NALF1: variants seen among roughly 807,000 people sequenced by gnomAD.
NALF1 encodes NALCN channel auxiliary factor 1, also known as family with sequence similarity 155 member A.
A neutral mutation model predicts 48.4 loss-of-function variants in NALF1; 3 were observed. The observed-to-expected ratio is 0.06, with a 90% CI of 0.03 to 0.16. The LOEUF (loss-of-function observed/expected upper bound fraction) is 0.16, where lower values mean the gene tolerates loss of function less well. Ranked by LOEUF, NALF1 falls within the 10% of genes least tolerant of loss-of-function variation. The pLI is 1.00. For synonymous variants in NALF1, 262 were observed against 245.7 expected (o/e 1.07, Z -0.62); for missense variants, 526 against 571.5 (o/e 0.92, Z 0.81).
At chr13:107,579,055 T>C (rs1878229063) in intron 1 of NALF1, among the ~76,000 whole-genome samples, 1 of 152,188 alleles carries the variant, frequency 6.6e-6, no homozygotes, top group African/African-American at 2.4e-5. Context: ...GTTTTCTCCA[T>C]GCTTTCATGC....
chr13:107,421,050 C>T (rs771331068), intron 1 of NALF1, among the ~76,000 whole-genome samples: 3 of 152,122 alleles, frequency 2.0e-5, no homozygotes, highest in Non-Finnish European at 4.4e-5. Flanking sequence ...TTTAACTCAT[C>T]AGTATATTAT....
chr13:107,805,831 C>T lies in NALF1; in HGVS notation c.915+59851G>A, dbSNP rs375073856. The stretch of plus-strand genomic sequence containing the variant: ...CAATTCTCACTAGTGTTGGTGCTGG[C>T]CTTCACCTGTGGCTTCTTCCGCCCA... On this transcript the variant is annotated intron_variant, in intron 1 of 2. Coordinates refer to ENST00000375915, the MANE Select transcript of NALF1 (RefSeq NM_001080396.3). Among the ~76,000 whole-genome samples, 39 of 152,206 alleles carry T rather than the reference C, an allele frequency of 2.6e-4. 1 individual carries two copies. The highest frequency in any genetic ancestry group is 8.4e-4 in the African/African-American group (35 of 41,528).
intron 1 of NALF1, among the ~76,000 whole-genome samples, chr13:107,742,866 T>A (rs186340007): frequency 6.6e-6 from 1 of 152,228 alleles, no homozygotes. Flanking sequence ...AATAAATGAA[T>A]AAATGACACC....
rs1490947912 is a variant in NALF1, at chr13:107,169,166, C to T, written c.*1331G>A. 6.6e-6 allele frequency: 1 copy of T among 152,426 alleles called. No homozygotes were observed. Among genetic ancestry groups the T allele is most frequent in the Non-Finnish European group, 1.5e-5 (1 of 68,016 alleles). 9.4% of individuals were successfully genotyped at this position (152,426 alleles called of 1,614,324 possible). A position where few individuals can be genotyped will look rare whatever the true frequency, so the allele number is the denominator to read the frequency against. ...ACCTCTTTTCCTCAACTACCTAGAG[C>T]ATGTTAGAGTGATAAAGTTTTTGCA... On this transcript the variant is annotated 3_prime_UTR_variant, in exon 3 of 3. Coordinates refer to ENST00000375915, the MANE Select transcript of NALF1 (RefSeq NM_001080396.3).
chr13:107,231,002 G>C (rs1044677869), intron 1 of NALF1, among the ~76,000 whole-genome samples: 3 of 142,078 alleles, frequency 2.1e-5, no homozygotes, highest in African/African-American at 7.9e-5. Context: ...TGAGGTTGCA[G>C]TGAGCCCATG....
At chr13:107,346,311 G>A in intron 1 of NALF1, among the ~76,000 whole-genome samples, 1 of 152,124 alleles carries the variant, frequency 6.6e-6, no homozygotes, top group East Asian at 1.9e-4. Flanking sequence ...GGATCTCGAA[G>A]AGATATGTGC....
At chr13:107,649,831 T>C (rs577294984) in intron 1 of NALF1, among the ~76,000 whole-genome samples, 1 of 152,308 alleles carries the variant, frequency 6.6e-6, no homozygotes, top group East Asian at 1.9e-4. Flanking sequence ...TGCTGTGTCC[T>C]GCAGTCTATA....
At chr13:107,303,460 CAT>C (rs1881877021) in intron 1 of NALF1, among the ~76,000 whole-genome samples, 1 of 152,120 alleles carries the variant, frequency 6.6e-6, no homozygotes, top group African/African-American at 2.4e-5. Flanking sequence ...TTGTGCCATA[CAT>C]AGTGTTATTT....
At chr13:107,692,425 C>A (rs1219368596) in intron 1 of NALF1, among the ~76,000 whole-genome samples, 2 of 152,074 alleles carry the variant, frequency 1.3e-5, no homozygotes, top group African/African-American at 4.8e-5. Flanking sequence ...CACAATGTAG[C>A]CAAACACAAA....
intron 1 of NALF1, among the ~76,000 whole-genome samples, chr13:107,290,084 C>G (rs9558996): frequency 6.6e-6 from 1 of 151,012 alleles, no homozygotes; most frequent in East Asian, 2.0e-4. Flanking sequence ...TAGACTTTAT[C>G]GGTTGATTCC....
chr13:107,845,149 G>T (rs1880137810), intron 1 of NALF1, among the ~76,000 whole-genome samples: 1 of 152,136 alleles, frequency 6.6e-6, no homozygotes, highest in Non-Finnish European at 1.5e-5. Flanking sequence ...ATTCCAGAAA[G>T]ATTTTTTAAA....
chr13:107,644,321 C>G (rs1253456626), intron 1 of NALF1, among the ~76,000 whole-genome samples: 10 of 151,776 alleles, frequency 6.6e-5, no homozygotes, highest in Admixed American at 6.6e-4. Context: ...ACAGGAAACA[C>G]TACTACATAC....
chr13:107,577,156 T>G (rs559959793), intron 1 of NALF1, among the ~76,000 whole-genome samples: 2 of 152,328 alleles, frequency 1.3e-5, no homozygotes, highest in South Asian at 4.1e-4. Flanking sequence ...ACCATTGACA[T>G]CGTCCAGTTC....
chr13:107,192,152 A>C (rs764256441), intron 2 of NALF1, among the ~76,000 whole-genome samples: 5 of 152,226 alleles, frequency 3.3e-5, no homozygotes, highest in Admixed American at 2.6e-4. Context: ...AAACACAAAT[A>C]TTTAAATAAT....
chr13:107,458,506 T>G (rs1884862937), intron 1 of NALF1, among the ~76,000 whole-genome samples: 1 of 152,292 alleles, frequency 6.6e-6, no homozygotes, highest in South Asian at 2.1e-4. Flanking sequence ...GTATTCCTCA[T>G]GTGCAGGAAG....
At chr13:107,406,161 A>C (rs1883894681) in intron 1 of NALF1, among the ~76,000 whole-genome samples, 1 of 152,034 alleles carries the variant, frequency 6.6e-6, no homozygotes, top group Non-Finnish European at 1.5e-5. Context: ...TTCCTTTGTG[A>C]AGTCACTTGA....
chr13:107,678,932 A>T (rs1881204065), intron 1 of NALF1, among the ~76,000 whole-genome samples: 1 of 152,152 alleles, frequency 6.6e-6, no homozygotes, highest in African/African-American at 2.4e-5. Context: ...GGAGACACAA[A>T]CCCTAACCAT....
chr13:107,540,834 T>C lies in NALF1; in HGVS notation c.915+324848A>G, dbSNP rs142049971. Reference sequence around the variant, plus strand: ...TTGGATATTCCTAAACAAGAAACTTTAAAAACACACAAACTTGAATACATA... The same window carrying C: ...TTGGATATTCCTAAACAAGAAACTTCAAAAACACACAAACTTGAATACATA... On this transcript the variant is annotated intron_variant, in intron 1 of 2. Coordinates refer to ENST00000375915, the MANE Select transcript of NALF1 (RefSeq NM_001080396.3). Among the ~76,000 whole-genome samples the C allele has an allele frequency of 2.2e-3, 337 of 152,216 alleles. 2 individuals are homozygous for C. The highest frequency in any genetic ancestry group is 7.5e-3 in the African/African-American group (313 of 41,560).
intron 1 of NALF1, among the ~76,000 whole-genome samples, chr13:107,820,893 G>T (rs1198200269): frequency 2.0e-5 from 3 of 152,122 alleles, no homozygotes; most frequent in African/African-American, 7.2e-5. Flanking sequence ...ATTTATTCCA[G>T]GTATTGGCAA....
Sources: gnomAD v4.1 joint callset for allele counts (sites outside exome capture counted in the v4.1 genomes callset) on GRCh38, gnomAD v4.1.1 for gene constraint, MANE v1.5 for transcripts, NCBI Gene and HGNC (gene_info 2026-07-23, HGNC 2026-07-21) for gene names.